PLEKHM2: variants seen among roughly 807,000 people sequenced by gnomAD.
The protein encoded by PLEKHM2 is pleckstrin homology and RUN domain containing M2, also known as pleckstrin homology domain-containing family M member 2.
Under a neutral mutation model 116.3 loss-of-function variants are expected in PLEKHM2, and 77 were observed. That is an observed-to-expected ratio of 0.66 (90% CI 0.55 to 0.80). The LOEUF (loss-of-function observed/expected upper bound fraction) is 0.80. Among genes scored for constraint, PLEKHM2 ranks in the 30% least tolerant of loss-of-function variants. The pLI, the probability that PLEKHM2 is intolerant of heterozygous loss-of-function variation, is 0.00. For synonymous variants in PLEKHM2, 562 were observed against 571.0 expected, an observed-to-expected ratio of 0.98 and a Z score of 0.22; for missense variants, 1,183 against 1,354.9, an observed-to-expected ratio of 0.87 and a Z score of 1.99.
intron 1 of PLEKHM2, among the ~76,000 whole-genome samples, chr1:15,715,597 T>C (rs1409318495): frequency 2.6e-5 from 4 of 151,834 alleles, no homozygotes; most frequent in African/African-American, 9.7e-5. Flanking sequence ...GCCGAGATCA[T>C]GCCACTGCCC....
intron 8 of PLEKHM2, chr1:15,725,825 C>T (rs577059297): frequency 3.3e-4 from 157 of 472,566 alleles, no homozygotes; most frequent in East Asian, 1.3e-3. Context: ...GTCAGGGTGC[C>T]GGTGTGGCCA....
chr1:15,730,460 C>T (rs752582493), intron 14 of PLEKHM2, 72 bp from the exon 15 acceptor site: 7 of 1,232,836 alleles, frequency 5.7e-6, no homozygotes, highest in Non-Finnish European at 7.7e-6. Flanking sequence ...AAAAAAAGAA[C>T]CAGTCCGGGC....
chr1:15,725,942 T>G (rs2068058884), intron 8 of PLEKHM2: 1 of 202,560 alleles, frequency 4.9e-6, no homozygotes, highest in Non-Finnish European at 1.0e-5. Flanking sequence ...ATCCCATTCC[T>G]GAGGATCCCA....
chr1:15,688,362 TAAC>T (rs961428730), intron 1 of PLEKHM2, among the ~76,000 whole-genome samples: 2 of 152,108 alleles, frequency 1.3e-5, no homozygotes, highest in African/African-American at 4.8e-5. Flanking sequence ...ATGAAAATGA[TAAC>T]AATAGGCCAG....
At position 15,684,537 on chromosome 1, in the gene PLEKHM2, T is replaced by TGGCGGCGACGGTGGCAGC. The variant is rs1640722805; in HGVS notation, c.-20_-3dup. The TGGCGGCGACGGTGGCAGC allele has an allele frequency of 8.5e-7, 1 of 1,174,448 alleles. No individual in the cohort carries two copies. Among genetic ancestry groups the TGGCGGCGACGGTGGCAGC allele is most frequent in the Admixed American group, 4.2e-5 (1 of 24,008 alleles). 72.8% of individuals were successfully genotyped at this position (1,174,448 alleles called of 1,614,324 possible). On this transcript the variant is annotated 5_prime_UTR_variant, in exon 1 of 20. Transcript: ENST00000375799. ...GCGGCGGCGGCGGTGGCGGTGGCGGTGGCGGCGACGGTGGCAGCGCCATGG... is the reference window on the plus strand; with the variant it reads ...GCGGCGGCGGCGGTGGCGGTGGCGGTGGCGGCGACGGTGGCAGCGGCGGCGACGGTGGCAGCGCCATGG...
rs1557664395 is a variant in PLEKHM2, at chr1:15,732,542, T to C, written c.2805+13T>C. 3 of 1,607,780 alleles carry C rather than the reference T, an allele frequency of 1.9e-6. No individual in the cohort carries two copies. Among genetic ancestry groups the C allele is most frequent in the East Asian group, 4.5e-5 (2 of 44,736 alleles). ...GTACTGCGTCTTGGTGAGCTTTGAGTGGGGGCGGGGCTGCAAGGCCTGCAG... is the reference window on the plus strand; with the variant it reads ...GTACTGCGTCTTGGTGAGCTTTGAGCGGGGGCGGGGCTGCAAGGCCTGCAG... On this transcript the variant is annotated intron_variant, in intron 18 of 19. Transcript: ENST00000375799.
At chr1:15,725,048 G>A (rs992634526) in intron 7 of PLEKHM2, among the ~76,000 whole-genome samples, 8 of 152,150 alleles carry the variant, frequency 5.3e-5, no homozygotes, top group Non-Finnish European at 1.0e-4. Context: ...GCTTCACCGC[G>A]GGGGCCCTTA....
chr1:15,721,456 G>T lies in PLEKHM2; in HGVS notation c.712+68G>T. On this transcript the variant is annotated intron_variant, in intron 7 of 19. Coordinates refer to ENST00000375799, the MANE Select transcript of PLEKHM2 (RefSeq NM_015164.4). This position sits in a 1 kb window ranked among gnomAD's most constrained non-coding sequence, Gnocchi z 5.1. ...TGTTTCCATGCCAAGCTTGCTGCAT[G>T]TATCAAATCAGCTCCTTATTATTTA... 1.1e-6 allele frequency: 1 copy of T among 914,200 alleles called. No homozygotes were observed. The highest frequency in any genetic ancestry group is 1.5e-5 in the South Asian group (1 of 66,874). 56.6% of individuals were successfully genotyped at this position (914,200 alleles called of 1,614,324 possible).
intron 1 of PLEKHM2, among the ~76,000 whole-genome samples, chr1:15,690,720 A>G (rs1025676587): frequency 1.3e-5 from 2 of 152,226 alleles, no homozygotes; most frequent in African/African-American, 2.4e-5. Context: ...GAATGTGGAC[A>G]CTTGTAAATC....
chr1:15,701,028 G>T (rs1297724651), intron 1 of PLEKHM2, among the ~76,000 whole-genome samples: 1 of 148,706 alleles, frequency 6.7e-6, no homozygotes, highest in East Asian at 2.0e-4. Flanking sequence ...CAGGAGAATC[G>T]CTCGAACCCA....
chr1:15,706,643 G>A (rs1158572720), intron 1 of PLEKHM2, among the ~76,000 whole-genome samples: 1 of 152,066 alleles, frequency 6.6e-6, no homozygotes, highest in Non-Finnish European at 1.5e-5. Context: ...CTAACCTCAG[G>A]TGATCCACCT....
rs1160124164 is a variant in PLEKHM2 at position 15,727,881 on chromosome 1, G to A, written c.1760+49G>A. The A allele has an allele frequency of 7.0e-7, 1 of 1,424,782 alleles. No individual in the cohort carries two copies. The highest frequency in any genetic ancestry group is 2.1e-5 in the Admixed American group (1 of 46,922). The allele number at this position is 1,424,782 out of a possible 1,614,324, so 88.3% of individuals were successfully genotyped here. A position where few individuals can be genotyped will look rare whatever the true frequency, so the allele number is the denominator to read the frequency against. On this transcript the variant is annotated intron_variant, in intron 9 of 19. Coordinates refer to ENST00000375799, the MANE Select transcript of PLEKHM2 (RefSeq NM_015164.4). The surrounding 1 kb of genome is among the most constrained non-coding windows in gnomAD (Gnocchi z 7.5). ...TGGGACTCTCCCAGCCCTTGAAGCT[G>A]GGGACACTGTGCCTCTGACCTCCAG...
chr1:15,731,061 C>T, intron 15 of PLEKHM2, 131 bp from the exon 16 acceptor site: 1 of 708,618 alleles, frequency 1.4e-6, no homozygotes, highest in Non-Finnish European at 2.5e-6. Flanking sequence ...CCGTAGATGA[C>T]AGCCCCTGGT....
intron 1 of PLEKHM2, among the ~76,000 whole-genome samples, chr1:15,687,357 G>A (rs181514651): frequency 1.9e-3 from 291 of 151,870 alleles, no homozygotes; most frequent in African/African-American, 6.8e-3. Context: ...TGTATTTTTA[G>A]TAGAGACGGG....
chr1:15,733,064 G>T (rs1425013595), intron 19 of PLEKHM2, among the ~76,000 whole-genome samples: 1 of 152,254 alleles, frequency 6.6e-6, no homozygotes, highest in Non-Finnish European at 1.5e-5. Context: ...CTCCAGCCCC[G>T]GTGGTTCTGC....
chr1:15,730,415 C>A (rs2068123360), intron 14 of PLEKHM2, 117 bp from the exon 15 acceptor site: 1 of 795,050 alleles, frequency 1.3e-6, no homozygotes, highest in Non-Finnish European at 1.9e-6. Flanking sequence ...GCAGTCCAGC[C>A]TGGGCGACAG....
intron 1 of PLEKHM2, among the ~76,000 whole-genome samples, chr1:15,692,780 C>T (rs1289962684): frequency 6.6e-6 from 1 of 152,098 alleles, no homozygotes; most frequent in African/African-American, 2.4e-5. Context: ...GCTCTTGTTA[C>T]TCAGGCTGGA....
chr1:15,696,402 A>G (rs1640997364), intron 1 of PLEKHM2, among the ~76,000 whole-genome samples: 2 of 152,106 alleles, frequency 1.3e-5, no homozygotes, highest in Non-Finnish European at 1.5e-5. Flanking sequence ...CAGGCTTGGA[A>G]TACAGTGGCA....
intron 7 of PLEKHM2, among the ~76,000 whole-genome samples, chr1:15,724,138 C>T (rs1216101915): frequency 2.6e-5 from 4 of 152,162 alleles, no homozygotes; most frequent in Non-Finnish European, 4.4e-5. Context: ...TCTCGGGGGC[C>T]GTGTCAGGGT....
Sources: gnomAD v4.1 joint callset for allele counts (sites outside exome capture counted in the v4.1 genomes callset) on GRCh38, gnomAD v4.1.1 for gene constraint, Gnocchi (gnomAD v3.1) non-coding constraint, MANE v1.5 for transcripts, NCBI Gene and HGNC (gene_info 2026-07-23, HGNC 2026-07-21) for gene names.